Variants in HECW2 observed in about 807,000 individuals in gnomAD.
HECW2 encodes E3 ubiquitin-protein ligase HECW2.
HECW2 carries 61 observed loss-of-function variants against 175.2 expected under a neutral mutation model. That is an observed-to-expected ratio of 0.35 (90% CI 0.28 to 0.43). HECW2 has a LOEUF of 0.43. HECW2 is among the 20% of genes least tolerant of loss of function. The pLI is 1.00. For synonymous variants in HECW2, 671 were observed against 731.0 expected (o/e 0.92, Z 1.32); for missense variants, 1,524 against 2,000.5 (o/e 0.76, Z 4.54).
rs189079393 is a variant in HECW2 at position 196,321,430 on chromosome 2, C to A, written c.885-991G>T. Reference sequence around the variant, plus strand: ...TGAGACAGAGTCTCGCTCTGTTGCCCGGGTTGCCTAGGTTGGAGTGTAGTG... The same window carrying A: ...TGAGACAGAGTCTCGCTCTGTTGCCAGGGTTGCCTAGGTTGGAGTGTAGTG... On this transcript the variant is annotated intron_variant, in intron 7 of 28. Transcript: ENST00000644978. Among the ~76,000 whole-genome samples the A allele has an allele frequency of 8.8e-5, 13 of 148,116 alleles. No homozygotes were observed. In the East Asian group the frequency reaches 2.3e-3, roughly 27 times the overall value.
chr2:196,528,469 C>T (rs1395996779), intron 1 of HECW2, among the ~76,000 whole-genome samples: 1 of 152,164 alleles, frequency 6.6e-6, no homozygotes, highest in African/African-American at 2.4e-5. Flanking sequence ...TTGCCAGAAA[C>T]AACCAAACAC....
chr2:196,319,996 G>A (rs919531566), intron 8 of HECW2, 92 bp from the exon 9 acceptor site: 18 of 1,284,154 alleles, frequency 1.4e-5, no homozygotes, highest in Non-Finnish European at 1.9e-5. Flanking sequence ...TAAGTTCAAA[G>A]AAATCAGTCA....
At chr2:196,454,740 A>G (rs1054286181) in intron 1 of HECW2, among the ~76,000 whole-genome samples, 10 of 152,200 alleles carry the variant, frequency 6.6e-5, no homozygotes, top group African/African-American at 2.4e-4. Flanking sequence ...TTCTAGAACT[A>G]GAATTTTATA....
At chr2:196,368,969 G>A (rs988924308) in intron 2 of HECW2, among the ~76,000 whole-genome samples, 3 of 152,042 alleles carry the variant, frequency 2.0e-5, no homozygotes, top group Non-Finnish European at 2.9e-5. Flanking sequence ...TCCAGGATTG[G>A]TCACCAGTGT....
rs71410611 is a variant in HECW2 at position 196,369,342 on chromosome 2, GTCTCTCTC to G, written c.293-25586_293-25579del. On this transcript the variant is annotated intron_variant, in intron 2 of 28. Coordinates refer to ENST00000644978, the MANE Select transcript of HECW2 (RefSeq NM_001348768.2). The stretch of plus-strand genomic sequence containing the variant: ...CCCTTACTCCTCCTAAACAAATGGA[GTCTCTCTC>G]TCTCTCTCTCTCTCTCTCTCTCTCT... 8.5e-3 allele frequency among the ~76,000 whole-genome samples: 1,123 copies of G among 131,536 alleles called. 5 individuals are homozygous for G. Among genetic ancestry groups the G allele is most frequent in the Non-Finnish European group, 0.013 (798 of 62,350 alleles). The allele number at this position is 131,536 out of a possible 152,430, so 86.3% of individuals were successfully genotyped here.
chr2:196,335,877 G>A (rs964109867), intron 3 of HECW2, among the ~76,000 whole-genome samples: 1 of 152,182 alleles, frequency 6.6e-6, no homozygotes, highest in Admixed American at 6.5e-5. Context: ...TCAAGGAAAG[G>A]TTTCTGGTCT....
intron 23 of HECW2, among the ~76,000 whole-genome samples, chr2:196,224,903 GAGA>G (rs1269742961): frequency 3.9e-5 from 6 of 152,190 alleles, no homozygotes; most frequent in East Asian, 3.8e-4. Flanking sequence ...GACACTGAAA[GAGA>G]AGAAGGCAAA....
chr2:196,337,574 A>T (rs866351029), intron 3 of HECW2, among the ~76,000 whole-genome samples: 983 of 95,324 alleles, frequency 0.01, 14 homozygotes, highest in East Asian at 0.04. Flanking sequence ...AAAATAAAAA[A>T]ATATATATAT....
At chr2:196,321,257 G>A (rs1038325091) in intron 7 of HECW2, among the ~76,000 whole-genome samples, 1 of 152,206 alleles carries the variant, frequency 6.6e-6, no homozygotes, top group Non-Finnish European at 1.5e-5. Flanking sequence ...GGCTTGGACT[G>A]TCTGCCTCCT....
intron 2 of HECW2, among the ~76,000 whole-genome samples, chr2:196,355,139 T>A (rs969336902): frequency 6.6e-6 from 1 of 152,206 alleles, no homozygotes; most frequent in African/African-American, 2.4e-5. Flanking sequence ...GAAAACAGAA[T>A]AAGGCATTTG....
intron 2 of HECW2, among the ~76,000 whole-genome samples, chr2:196,426,197 C>A (rs1220204245): frequency 1.3e-5 from 2 of 152,140 alleles, no homozygotes; most frequent in Non-Finnish European, 2.9e-5. Flanking sequence ...ATTTAGATTA[C>A]AGTATAGTGT....
At chr2:196,349,572 A>T (rs921386000) in intron 2 of HECW2, among the ~76,000 whole-genome samples, 1 of 152,076 alleles carries the variant, frequency 6.6e-6, no homozygotes, top group East Asian at 1.9e-4. Flanking sequence ...GGCCTCCCAA[A>T]GTACTGGGAT....
intron 1 of HECW2, among the ~76,000 whole-genome samples, chr2:196,458,135 C>T (rs189136461): frequency 3.7e-4 from 56 of 151,662 alleles, no homozygotes; most frequent in African/African-American, 1.3e-3. Context: ...CTGGGTGTGG[C>T]AGCACATGCC....
At chr2:196,385,519 C>T (rs1037536781) in intron 2 of HECW2, among the ~76,000 whole-genome samples, 1 of 152,194 alleles carries the variant, frequency 6.6e-6, no homozygotes, top group African/African-American at 2.4e-5. Flanking sequence ...CTTATTAAAC[C>T]TGATACCAAA....
intron 2 of HECW2, among the ~76,000 whole-genome samples, chr2:196,390,445 G>A (rs1445397573): frequency 6.6e-6 from 1 of 152,138 alleles, no homozygotes; most frequent in African/African-American, 2.4e-5. Context: ...TGACTTTGCA[G>A]CAGACACTTG....
At chr2:196,382,649 G>T (rs534006618) in intron 2 of HECW2, among the ~76,000 whole-genome samples, 1 of 152,010 alleles carries the variant, frequency 6.6e-6, no homozygotes, top group Admixed American at 6.6e-5. Context: ...ATATAATAGC[G>T]GATTGTATTC....
intron 2 of HECW2, among the ~76,000 whole-genome samples, chr2:196,401,724 A>G (rs1694821842): frequency 6.6e-6 from 1 of 152,236 alleles, no homozygotes; most frequent in African/African-American, 2.4e-5. Flanking sequence ...GGATGTTTTA[A>G]AATGAACATT....
At chr2:196,403,559 A>C (rs574319888) in intron 2 of HECW2, among the ~76,000 whole-genome samples, 3 of 152,254 alleles carry the variant, frequency 2.0e-5, no homozygotes, top group Non-Finnish European at 4.4e-5. Context: ...ATTACAAAGT[A>C]CTCAGTGGCT....
chr2:196,582,311 T>A (rs1225394117), intron 1 of HECW2, among the ~76,000 whole-genome samples: 10 of 152,124 alleles, frequency 6.6e-5, no homozygotes, highest in Admixed American at 3.9e-4. Flanking sequence ...CTAGCTACGG[T>A]TACACTTCTC....
Sources: allele counts gnomAD v4.1 joint callset (sites outside exome capture counted in the v4.1 genomes callset), GRCh38; gene constraint gnomAD v4.1.1; transcripts MANE v1.5; gene names NCBI Gene and HGNC (gene_info 2026-07-23, HGNC 2026-07-21).